SMIM13: variants seen among roughly 807,000 people sequenced by gnomAD.
SMIM13 encodes the protein UPF0766 protein C6orf228.
In SMIM13, 3 loss-of-function variants were observed where a neutral mutation model predicts 5.9. The observed-to-expected ratio is 0.51, with a 90% confidence interval of 0.23 to 1.31. The LOEUF (loss-of-function observed/expected upper bound fraction) is 1.31. SMIM13 is among the 40% of genes most tolerant of loss of function. The pLI, the probability that SMIM13 is intolerant of heterozygous loss-of-function variation, is 0.18. For synonymous variants in SMIM13, 55 were observed against 46.0 expected (o/e 1.19, Z -0.79); for missense variants, 85 against 109.9 (o/e 0.77, Z 1.01).
intron 1 of SMIM13, 38 bp from the exon 2 acceptor site, chr6:11,134,365 G>A: frequency 2.7e-6 from 4 of 1,458,388 alleles, no homozygotes; most frequent in Non-Finnish European, 2.8e-6. Context: ...AACATTGTGT[G>A]TAATAACTTT....
At chr6:11,110,487 A>G (rs767932854) in intron 1 of SMIM13, among the ~76,000 whole-genome samples, 39 of 152,092 alleles carry the variant, frequency 2.6e-4, no homozygotes, top group Non-Finnish European at 4.1e-4. Context: ...TTTTCTGCCA[A>G]TTGCTGCAAG....
intron 1 of SMIM13, chr6:11,104,468 G>A (rs1199535144): frequency 1.3e-6 from 2 of 1,552,346 alleles, no homozygotes; most frequent in South Asian, 2.4e-5. Flanking sequence ...GAAATAAGGG[G>A]GTGAGGGAGG....
intron 1 of SMIM13, among the ~76,000 whole-genome samples, chr6:11,123,240 C>T (rs899691730): frequency 1.3e-5 from 2 of 152,092 alleles, no homozygotes; most frequent in African/African-American, 2.4e-5. Flanking sequence ...AAAATGGAGC[C>T]GCTGTGCAGA....
At chr6:11,125,823 C>A (rs1758370282) in intron 1 of SMIM13, among the ~76,000 whole-genome samples, 1 of 152,080 alleles carries the variant, frequency 6.6e-6, no homozygotes, top group South Asian at 2.1e-4. Flanking sequence ...TGGGTTAAAT[C>A]TGCTTGGTGT....
intron 1 of SMIM13, chr6:11,103,191 C>T (rs1375320830): frequency 1.3e-5 from 2 of 154,894 alleles, no homozygotes; most frequent in African/African-American, 2.4e-5. Flanking sequence ...AGTTAAATGC[C>T]ACTATTTTGC....
intron 1 of SMIM13, among the ~76,000 whole-genome samples, chr6:11,112,522 G>A (rs1212418665): frequency 6.6e-6 from 1 of 152,030 alleles, no homozygotes; most frequent in Non-Finnish European, 1.5e-5. Flanking sequence ...CAAAGTGCTG[G>A]GATTACAGGC....
intron 1 of SMIM13, among the ~76,000 whole-genome samples, chr6:11,108,655 C>G (rs1758123800): frequency 6.6e-6 from 1 of 152,150 alleles, no homozygotes; most frequent in African/African-American, 2.4e-5. Context: ...GTTGCTTTTC[C>G]TTTTGCCTCT....
intron 1 of SMIM13, among the ~76,000 whole-genome samples, chr6:11,115,179 A>G (rs555954650): frequency 6.6e-6 from 1 of 152,306 alleles, no homozygotes; most frequent in African/African-American, 2.4e-5. Context: ...TTTTGGAAGC[A>G]TTTACATACA....
intron 1 of SMIM13, among the ~76,000 whole-genome samples, chr6:11,132,108 C>A (rs977361992): frequency 6.6e-6 from 1 of 151,898 alleles, no homozygotes; most frequent in African/African-American, 2.4e-5. Flanking sequence ...AAAAAATGAG[C>A]AAAAGAAATG....
chr6:11,096,394 A>G (rs1757924024), intron 1 of SMIM13, among the ~76,000 whole-genome samples: 1 of 152,184 alleles, frequency 6.6e-6, no homozygotes, highest in African/African-American at 2.4e-5. Flanking sequence ...GGGAGGAGGG[A>G]TCTGTGTGCT....
chr6:11,134,176 G>A (rs1022448083), intron 1 of SMIM13, among the ~76,000 whole-genome samples: 13 of 152,140 alleles, frequency 8.5e-5, no homozygotes, highest in African/African-American at 3.1e-4. Flanking sequence ...GATAGACTCA[G>A]CCCGAATTCT....
intron 1 of SMIM13, among the ~76,000 whole-genome samples, chr6:11,130,372 GA>G (rs1758438644): frequency 6.6e-6 from 1 of 152,018 alleles, no homozygotes; most frequent in Non-Finnish European, 1.5e-5. Context: ...TGTTTTGTGA[GA>G]AACAGTGTAA....
intron 1 of SMIM13, among the ~76,000 whole-genome samples, chr6:11,095,910 T>C (rs1169587842): frequency 6.6e-6 from 1 of 152,164 alleles, no homozygotes; most frequent in African/African-American, 2.4e-5. Flanking sequence ...CCTTTCTAGT[T>C]TGAAAATGCG....
chr6:11,117,629 T>A (rs187087641), intron 1 of SMIM13, among the ~76,000 whole-genome samples: 4 of 152,326 alleles, frequency 2.6e-5, no homozygotes, highest in African/African-American at 9.6e-5. Context: ...TTCCAGATAT[T>A]TCGTTATCAG....
At chr6:11,110,413 A>G (rs1758149725) in intron 1 of SMIM13, among the ~76,000 whole-genome samples, 1 of 152,158 alleles carries the variant, frequency 6.6e-6, no homozygotes, top group Non-Finnish European at 1.5e-5. Context: ...CATTCTAGCA[A>G]CAGAATGATT....
At chr6:11,132,310 A>G (rs1024952236) in intron 1 of SMIM13, among the ~76,000 whole-genome samples, 3 of 152,302 alleles carry the variant, frequency 2.0e-5, no homozygotes, top group African/African-American at 7.2e-5. Flanking sequence ...AACCTCATAC[A>G]TTGCAGGTGG....
Position 11,126,829 on chromosome 6 carries a change from T to G in SMIM13, c.77-7574T>G, listed in dbSNP as rs577711637. Reference sequence around the variant, plus strand: ...TTGTGACCTAAGTCTTTGTTCACTGTAGCCATGTTTGCATTGGGAAGCATC... The same window carrying G: ...TTGTGACCTAAGTCTTTGTTCACTGGAGCCATGTTTGCATTGGGAAGCATC... On this transcript the variant is annotated intron_variant, in intron 1 of 1. Transcript: ENST00000416247. 2.0e-5 allele frequency among the ~76,000 whole-genome samples: 3 copies of G among 152,330 alleles called. No homozygotes were observed. In the East Asian group the frequency reaches 5.8e-4, roughly 29 times the overall value.
chr6:11,094,472 G>GAA, intron 1 of SMIM13, 83 bp downstream of exon 1: 1 of 1,156,182 alleles, frequency 8.6e-7, no homozygotes, highest in Non-Finnish European at 1.2e-6. Flanking sequence ...TTGTTTTTTT[G>GAA]AAAAAAACAA....
chr6:11,132,245 C>T (rs143334233), intron 1 of SMIM13, among the ~76,000 whole-genome samples: 1 of 152,082 alleles, frequency 6.6e-6, no homozygotes, highest in East Asian at 1.9e-4. Context: ...GCTAGGAGTC[C>T]TGTAATAAAA....
Sources: allele counts gnomAD v4.1 joint callset (sites outside exome capture counted in the v4.1 genomes callset), GRCh38; gene constraint gnomAD v4.1.1; transcripts MANE v1.5; gene names NCBI Gene and HGNC (gene_info 2026-07-23, HGNC 2026-07-21).